The following SYK variants were observed in gnomAD, a reference collection of about 807,000 sequenced individuals.
SYK encodes the protein spleen associated tyrosine kinase, also known as tyrosine-protein kinase SYK.
Under a neutral mutation model 77.8 loss-of-function variants are expected in SYK, and 16 were observed. The observed-to-expected ratio is 0.21, with a 90% CI of 0.14 to 0.31. The LOEUF is 0.31. Ranked by LOEUF, SYK falls within the 10% of genes least tolerant of loss-of-function variation. SYK has a pLI of 1.00. For synonymous variants in SYK, 312 were observed against 308.7 expected (o/e 1.01, Z -0.11); for missense variants, 529 against 814.4 (o/e 0.65, Z 4.26).
At chr9:90,852,867 C>T (rs1564095282) in intron 3 of SYK, among the ~76,000 whole-genome samples, 1 of 152,208 alleles carries the variant, frequency 6.6e-6, no homozygotes, top group Non-Finnish European at 1.5e-5. Flanking sequence ...AGACCTTAGT[C>T]CCTGCCCTCA....
chr9:90,812,809 G>T (rs538447468), intron 1 of SYK, among the ~76,000 whole-genome samples: 1 of 151,038 alleles, frequency 6.6e-6, no homozygotes, highest in African/African-American at 2.4e-5. Flanking sequence ...GAGAGGGCTC[G>T]TGTTTTTCTG....
At chr9:90,843,371 G>C (rs934197897) in intron 1 of SYK, among the ~76,000 whole-genome samples, 2 of 152,178 alleles carry the variant, frequency 1.3e-5, no homozygotes, top group Admixed American at 1.3e-4. Context: ...AGCTCAGGTG[G>C]GTGAGGTGGT....
chr9:90,818,238 A>T (rs1431547389), intron 1 of SYK, among the ~76,000 whole-genome samples: 1 of 152,184 alleles, frequency 6.6e-6, no homozygotes, highest in Non-Finnish European at 1.5e-5. Flanking sequence ...CTCTGCCAAC[A>T]CCCAAGCAAT....
At chr9:90,817,870 TGTGTGTGTGTGTGAGA>T (rs1426678229) in intron 1 of SYK, among the ~76,000 whole-genome samples, 22 of 31,086 alleles carry the variant, frequency 7.1e-4, no homozygotes, top group East Asian at 1.9e-3. Context: ...TGTGTGTGTG[TGTGTGTGTGTGTGAGA>T]GAGAGAGAGA....
In SYK at chr9:90,874,195, G is replaced by A; in HGVS notation, c.916-9G>A. On this transcript the variant is annotated splice_polypyrimidine_tract_variant and intron_variant, in intron 7 of 13. Coordinates refer to ENST00000375754, the MANE Select transcript of SYK (RefSeq NM_003177.7). Reference sequence around the variant, plus strand: ...AGAAAAACAACCTGTTGTCCTTTATGTACTTTAGTCCTCCCCTGCCCAAGG... The same window carrying A: ...AGAAAAACAACCTGTTGTCCTTTATATACTTTAGTCCTCCCCTGCCCAAGG... The A allele has an allele frequency of 6.2e-7, 1 of 1,612,784 alleles. No homozygotes were observed. Among genetic ancestry groups the A allele is most frequent in the South Asian group, 1.1e-5 (1 of 91,040 alleles).
chr9:90,819,340 C>G (rs1825420317), intron 1 of SYK, among the ~76,000 whole-genome samples: 1 of 152,208 alleles, frequency 6.6e-6, no homozygotes, highest in Non-Finnish European at 1.5e-5. Context: ...AACCATGATG[C>G]TTTCAAGACC....
intron 3 of SYK, among the ~76,000 whole-genome samples, chr9:90,852,928 A>G (rs3789899): frequency 0.37 from 55,801 of 152,078 alleles, 11,586 homozygotes; most frequent in Admixed American, 0.47. Context: ...GATGTGCTGC[A>G]AAGTCTGCAA....
chr9:90,862,662 G>A (rs781608238), intron 4 of SYK, among the ~76,000 whole-genome samples: 3 of 152,232 alleles, frequency 2.0e-5, no homozygotes, highest in Non-Finnish European at 4.4e-5. Context: ...GTGCCACAAG[G>A]TGATGTAAGT....
At position 90,845,430 on chromosome 9, in the gene SYK, G is replaced by T. The variant is rs199801736; in HGVS notation, c.418-4G>T. 1 of 1,612,472 alleles carries T rather than the reference G, an allele frequency of 6.2e-7. No individual in the cohort carries two copies. The highest frequency in any genetic ancestry group is 8.5e-7 in the Non-Finnish European group (1 of 1,179,432). ...TTTACTCTGCTTTGCTCTCCATGTG[G>T]CAGGGTCAGGCTCTGGAGCAGGCCA... is the stretch of plus-strand genomic sequence containing the variant. On this transcript the variant is annotated splice_polypyrimidine_tract_variant and splice_region_variant and intron_variant, in intron 2 of 13. Transcript: ENST00000375754.
intron 1 of SYK, among the ~76,000 whole-genome samples, chr9:90,842,243 T>C (rs1331601832): frequency 6.7e-6 from 1 of 149,354 alleles, no homozygotes; most frequent in Non-Finnish European, 1.5e-5. Flanking sequence ...TAGTGCATGG[T>C]GTGTGTGTAG....
In SYK at chr9:90,847,775, T is replaced by C. The variant is rs555807597; in HGVS notation, c.578+2181T>C. Among the ~76,000 whole-genome samples the C allele has an allele frequency of 2.6e-5, 4 of 152,344 alleles. No individual in the cohort carries two copies. In the South Asian group the frequency reaches 8.3e-4, roughly 32 times the overall value. On this transcript the variant is annotated intron_variant, in intron 3 of 13. Coordinates refer to ENST00000375754, the MANE Select transcript of SYK (RefSeq NM_003177.7). ...CTGGGTCTGTGACTGTCTTGAGGAT[T>C]CAATGAAAATACACACCACGTACAC...
intron 12 of SYK, among the ~76,000 whole-genome samples, chr9:90,888,133 C>A (rs1038962478): frequency 1.2e-4 from 18 of 152,298 alleles, no homozygotes; most frequent in African/African-American, 3.6e-4. Context: ...CAGATCATTA[C>A]TCATTAGAGT....
intron 1 of SYK, among the ~76,000 whole-genome samples, chr9:90,837,014 A>G (rs1332887391): frequency 6.6e-6 from 1 of 151,926 alleles, no homozygotes; most frequent in Non-Finnish European, 1.5e-5. Context: ...TTACCTCACT[A>G]TAAGAATATA....
chr9:90,853,421 C>T (rs987141620), intron 3 of SYK, among the ~76,000 whole-genome samples: 11 of 151,700 alleles, frequency 7.3e-5, no homozygotes, highest in African/African-American at 2.2e-4. Flanking sequence ...CACATGCACA[C>T]GTATGTTTAT....
At chr9:90,894,004 AG>A (rs369730031) in intron 13 of SYK, among the ~76,000 whole-genome samples, 24 of 152,320 alleles carry the variant, frequency 1.6e-4, no homozygotes, top group African/African-American at 5.5e-4. Flanking sequence ...ATGGATGTAC[AG>A]GAGAGATTTC....
At chr9:90,844,392 A>G (rs943951250) in intron 2 of SYK, 77 bp downstream of exon 2, 2 of 1,416,496 alleles carry the variant, frequency 1.4e-6, no homozygotes, top group East Asian at 2.5e-5. Flanking sequence ...TACATGCAAC[A>G]CATGTGCCTA....
At chr9:90,842,754 AGAGAGT>A (rs1351917507) in intron 1 of SYK, among the ~76,000 whole-genome samples, 1 of 63,786 alleles carries the variant, frequency 1.6e-5, no homozygotes, top group African/African-American at 7.2e-5. Context: ...TGTGGTATGG[AGAGAGT>A]GTGTGTGTGT....
intron 13 of SYK, among the ~76,000 whole-genome samples, chr9:90,893,222 G>T (rs1472719211): frequency 6.6e-6 from 1 of 152,198 alleles, no homozygotes; most frequent in Non-Finnish European, 1.5e-5. Context: ...AGCAAGGAGG[G>T]CACAGGGGCC....
chr9:90,883,725 A>G (rs976129619), intron 11 of SYK, among the ~76,000 whole-genome samples: 2 of 151,998 alleles, frequency 1.3e-5, no homozygotes, highest in Non-Finnish European at 2.9e-5. Context: ...ACCAACATGG[A>G]CCACTTGGGT....
Sources: allele counts gnomAD v4.1 joint callset (sites outside exome capture counted in the v4.1 genomes callset), GRCh38; gene constraint gnomAD v4.1.1; transcripts MANE v1.5; gene names NCBI Gene and HGNC (gene_info 2026-07-23, HGNC 2026-07-21).